Variants in TMPRSS6 observed in about 807,000 individuals in gnomAD.
TMPRSS6 encodes the protein transmembrane serine protease 6.
Under a neutral mutation model 101.5 loss-of-function variants are expected in TMPRSS6, and 67 were observed. The ratio of observed to expected loss-of-function variants is 0.66; its 90% CI spans 0.54 to 0.81. The LOEUF (loss-of-function observed/expected upper bound fraction) is 0.81, where lower values mean the gene tolerates loss of function less well. Ranked by LOEUF, TMPRSS6 falls within the 30% of genes least tolerant of loss-of-function variation. The probability of loss-of-function intolerance (pLI) is 0.00; values close to 1 mark genes in which losing one functional copy is unlikely to be tolerated. For missense variants in TMPRSS6, 1,034 were observed against 1,088.7 expected, an observed-to-expected ratio of 0.95 and a Z score of 0.71; for synonymous variants, 453 against 464.9, an observed-to-expected ratio of 0.97 and a Z score of 0.33.
At chr22:37,078,930 G>GA (rs368647779) in intron 10 of TMPRSS6, among the ~76,000 whole-genome samples, 2,308 of 91,568 alleles carry the variant, frequency 0.025, 103 homozygotes, top group African/African-American at 0.13. Flanking sequence ...GAAAGAAGAG[G>GA]AAGAAGGAGA....
rs118004991 is a variant in TMPRSS6, at chr22:37,069,074, G to A, written c.2112C>T (p.Gly704=). ...WITGWGALRE[G]GPISNALQKV... ...CCGCCGCAAGTCCCCGCTGCTCACC[G>A]CCCTCGCGCAAGGCGCCCCAGCCCG... The change falls in exon 16 of 18, where the codon GGC becomes GGT. Residue 704 remains glycine, a splice_region_variant and synonymous_variant. Transcript: ENST00000676104. This position sits in a 1 kb window ranked among gnomAD's most constrained non-coding sequence, Gnocchi z 4.8. The A allele has an allele frequency of 2.9e-3, 4,490 of 1,540,880 alleles. 215 individuals carry two copies. The East Asian group carries it at 0.083, about 28-fold the overall frequency.
At chr22:37,072,214 T>TGATG (rs370964289) in intron 13 of TMPRSS6, among the ~76,000 whole-genome samples, 9 of 111,632 alleles carry the variant, frequency 8.1e-5, no homozygotes, top group Admixed American at 5.0e-4. Context: ...GATGGATGGA[T>TGATG]GATGGATGGA....
chr22:37,103,057 C>A lies in TMPRSS6; in HGVS notation c.202+159G>T, dbSNP rs149989349. On this transcript the variant is annotated intron_variant, in intron 2 of 17. Transcript: ENST00000676104. This position sits in a 1 kb window ranked among gnomAD's most constrained non-coding sequence, Gnocchi z 4.4. ...CTGACAGCATCTCCAGCTGGAAGGACAGGGAGGGAGACCCAGAGAACAGAA... is the reference window on the plus strand; with the variant it reads ...CTGACAGCATCTCCAGCTGGAAGGAAAGGGAGGGAGACCCAGAGAACAGAA... 1.2e-3 allele frequency among the ~76,000 whole-genome samples: 190 copies of A among 152,130 alleles called. No individual in the cohort carries two copies. The highest frequency in any genetic ancestry group is 2.6e-3 in the Admixed American group (39 of 15,282).
intron 8 of TMPRSS6, among the ~76,000 whole-genome samples, chr22:37,085,636 G>C (rs889355708): frequency 1.3e-5 from 2 of 152,124 alleles, no homozygotes; most frequent in African/African-American, 4.8e-5. Flanking sequence ...CAGGACAGCT[G>C]TCCCATGCGG....
At chr22:37,071,096 C>G in intron 13 of TMPRSS6, 64 bp from the exon 14 acceptor site, 1 of 1,460,820 alleles carries the variant, frequency 6.8e-7, no homozygotes, top group Middle Eastern at 1.7e-4. Flanking sequence ...GGAAACCTTC[C>G]AAAGTGGGGT....
intron 13 of TMPRSS6, among the ~76,000 whole-genome samples, chr22:37,072,707 GAT>G (rs1927193953): frequency 7.0e-6 from 1 of 143,472 alleles, no homozygotes; most frequent in Non-Finnish European, 1.5e-5. Context: ...TGGACGGATG[GAT>G]GATGGATGGA....
intron 8 of TMPRSS6, among the ~76,000 whole-genome samples, chr22:37,085,690 C>T (rs554118898): frequency 4.1e-4 from 62 of 152,144 alleles, no homozygotes; most frequent in Non-Finnish European, 4.3e-4. Flanking sequence ...GAGGGAGGTC[C>T]CGAAGCAGGA....
intron 16 of TMPRSS6, chr22:37,068,501 T>A: frequency 1.4e-6 from 1 of 715,136 alleles, no homozygotes; most frequent in East Asian, 2.5e-5. Flanking sequence ...TCAGTGAACG[T>A]AGAAAGGGGA....
Position 37,084,318 on chromosome 22 carries a change from G to A in TMPRSS6, c.1173C>T (p.Gly391=). ...ACCTCCTGTTCTGGATCGTCCACTG[G>A]CCCTGGGTGCACGGCAAATCATACT... ...RQKYDLPCTQ[G]QWTIQNRRLC... The change falls in exon 10 of 18, where the codon GGC becomes GGT. Residue 391 remains glycine (G), a synonymous_variant. Transcript: ENST00000676104. 1 of 1,613,666 alleles carries A rather than the reference G, an allele frequency of 6.2e-7. No individual in the cohort carries two copies. The highest frequency in any genetic ancestry group is 8.5e-7 in the Non-Finnish European group (1 of 1,179,824).
intron 6 of TMPRSS6, among the ~76,000 whole-genome samples, chr22:37,095,318 G>A (rs546689965): frequency 3.9e-5 from 6 of 152,168 alleles, no homozygotes; most frequent in South Asian, 2.1e-4. Flanking sequence ...ATGCACACCC[G>A]TCTACAAGAC....
chr22:37,098,458 T>C lies in TMPRSS6; in HGVS notation c.294A>G (p.Glu98=). The change falls in exon 3 of 18, where the codon GAA becomes GAG. Residue 98 remains glutamate (E), a synonymous_variant. Coordinates refer to ENST00000676104, the MANE Select transcript of TMPRSS6 (RefSeq NM_001374504.1). ...CGGTTTCACTGCGGAAGGCACTAGA[T>C]TCCCGGCGGGTAAGATCCTGGGAGA... is the stretch of plus-strand genomic sequence containing the variant. The part of the protein sequence containing the change: ...RHFSQDLTRR[E]SSAFRSETAK... 6.2e-7 allele frequency: 1 copy of C among 1,613,998 alleles called. No individual in the cohort carries two copies. The highest frequency in any genetic ancestry group is 1.1e-5 in the South Asian group (1 of 91,068).
chr22:37,074,952 G>A (rs990517716), intron 11 of TMPRSS6, among the ~76,000 whole-genome samples, 183 bp downstream of exon 11: 2 of 152,238 alleles, frequency 1.3e-5, no homozygotes, highest in African/African-American at 2.4e-5. Context: ...CCTTGTGGCT[G>A]CCTTGCACAC....
chr22:37,078,973 A>AAAAGAAAAGAAAGAAAGAAAG (rs1555888511), intron 10 of TMPRSS6, among the ~76,000 whole-genome samples: 1 of 106,510 alleles, frequency 9.4e-6, no homozygotes, highest in Admixed American at 9.8e-5. Context: ...GAAAGAAAGA[A>AAAAGAAAAGAAAGAAAGAAAG]AAAGAAAGAA....
At chr22:37,092,620 C>G (rs990207550) in intron 6 of TMPRSS6, among the ~76,000 whole-genome samples, 1 of 152,240 alleles carries the variant, frequency 6.6e-6, no homozygotes, top group African/African-American at 2.4e-5. Context: ...CCTCAGCCTC[C>G]CAAGTAGCTG....
At chr22:37,110,237 G>A (rs554358386), upstream of TMPRSS6, among the ~76,000 whole-genome samples, 10 of 150,814 alleles carry the variant, frequency 6.6e-5, no homozygotes, top group Non-Finnish European at 8.8e-5. Flanking sequence ...TCCGCCTCCC[G>A]GGTTCAAGCA....
chr22:37,084,196 T>G, intron 10 of TMPRSS6, 99 bp downstream of exon 10: 17 of 1,033,000 alleles, frequency 1.6e-5, no homozygotes, highest in Non-Finnish European at 2.2e-5. Flanking sequence ...CCCTCTGAGA[T>G]TGGGGACTTG....
chr22:37,073,726 T>C, intron 12 of TMPRSS6, 81 bp from the exon 13 acceptor site: 1 of 848,244 alleles, frequency 1.2e-6, no homozygotes, highest in Non-Finnish European at 2.1e-6. Flanking sequence ...GTAGAAGGTG[T>C]GCTGTATTGC....
rs140584893 is a variant in TMPRSS6 at position 37,096,701 on chromosome 22, G to A, written c.351C>T (p.Ile117=). The A allele has an allele frequency of 6.4e-6, 10 of 1,564,764 alleles. No homozygotes were observed. Among genetic ancestry groups the A allele is most frequent in the Non-Finnish European group, 8.7e-6 (10 of 1,153,646 alleles). ...AKAQKMLKEL[I]TSTRLGTYYN... ...AGTAAGTTCCCAGGCGGGTGCTGGT[G>A]ATGAGCTCCTTGAGCTGTGAGAAGG... The change falls in exon 4 of 18, where the codon ATC becomes ATT. Residue 117 remains isoleucine, a synonymous_variant. Coordinates refer to ENST00000676104, the MANE Select transcript of TMPRSS6 (RefSeq NM_001374504.1).
chr22:37,091,091 C>A lies in TMPRSS6; in HGVS notation c.632-1309G>T, dbSNP rs993517909. On this transcript the variant is annotated intron_variant, in intron 6 of 17. Transcript: ENST00000676104. ...ACAAAGCAGTACCACCTGCATCATT[C>A]ATTCATTCATTCATTCATTCAAAAC... Among the ~76,000 whole-genome samples the A allele has an allele frequency of 4.6e-5, 7 of 152,116 alleles. No individual in the cohort carries two copies. In the East Asian group the frequency reaches 1.4e-3, roughly 29 times the overall value.
Sources: gnomAD v4.1 joint callset for allele counts (sites outside exome capture counted in the v4.1 genomes callset) on GRCh38, gnomAD v4.1.1 for gene constraint, Gnocchi (gnomAD v3.1) non-coding constraint, MANE v1.5 for transcripts, NCBI Gene and HGNC (gene_info 2026-07-23, HGNC 2026-07-21) for gene names.